The following MYH9 variants were observed in gnomAD, a reference collection of about 807,000 sequenced individuals.
The protein encoded by MYH9 is myosin-9.
Under a neutral mutation model 241.9 loss-of-function variants are expected in MYH9, and 29 were observed. That is an observed-to-expected ratio of 0.12 (90% CI 0.09 to 0.16). MYH9 has a LOEUF of 0.16. Among genes scored for constraint, MYH9 ranks in the 10% least tolerant of loss-of-function variants. MYH9 has a pLI of 1.00. For synonymous variants in MYH9, 1,047 were observed against 1,062.6 expected, an observed-to-expected ratio of 0.99 and a Z score of 0.29; for missense variants, 1,803 against 2,595.5, an observed-to-expected ratio of 0.69 and a Z score of 6.63.
rs142004585 is a variant in MYH9 at position 36,355,135 on chromosome 22, G to A, written c.-19-5880C>T. On this transcript the variant is annotated intron_variant, in intron 1 of 40. Transcript: ENST00000216181. ...GATCAGGCTGAGGCCATCCCCCAGC[G>A]CTTTCCTTCCCGCCGGCTTCCTGCG... is the stretch of plus-strand genomic sequence containing the variant. Among the ~76,000 whole-genome samples the A allele has an allele frequency of 5.2e-3, 794 of 152,112 alleles. 7 individuals carry two copies. The highest frequency in any genetic ancestry group is 0.018 in the African/African-American group (756 of 41,496).
chr22:36,339,317 G>A (rs886665608), intron 3 of MYH9, among the ~76,000 whole-genome samples: 1 of 152,120 alleles, frequency 6.6e-6, no homozygotes, highest in Non-Finnish European at 1.5e-5. Context: ...AGATGACTCC[G>A]GAGTACACTT....
At chr22:36,327,726 C>T (rs968679655) in intron 3 of MYH9, among the ~76,000 whole-genome samples, 1 of 152,172 alleles carries the variant, frequency 6.6e-6, no homozygotes, top group African/African-American at 2.4e-5. Context: ...TGTTCAGCCC[C>T]CACCAGAAAA....
intron 3 of MYH9, among the ~76,000 whole-genome samples, chr22:36,335,925 C>A (rs1013539764): frequency 3.3e-5 from 5 of 152,296 alleles, no homozygotes; most frequent in African/African-American, 9.6e-5. Context: ...AAAAATTCTA[C>A]CCCTCATTGT....
intron 1 of MYH9, among the ~76,000 whole-genome samples, chr22:36,379,232 G>C (rs555357495): frequency 2.0e-4 from 30 of 152,234 alleles, no homozygotes; most frequent in Non-Finnish European, 3.1e-4. Flanking sequence ...GAGAGGCCAG[G>C]CGTGGTGGCT....
At chr22:36,286,075 C>T in intron 35 of MYH9, 122 bp from the exon 36 acceptor site, 2 of 1,001,636 alleles carry the variant, frequency 2.0e-6, no homozygotes, top group Non-Finnish European at 3.1e-6. Context: ...GAAGCCCTTC[C>T]TCCAGAAACC....
At chr22:36,291,683 T>TAAAAAAA (rs66686435) in intron 31 of MYH9, among the ~76,000 whole-genome samples, 2 of 86,934 alleles carry the variant, frequency 2.3e-5, no homozygotes, top group Admixed American at 1.2e-4. Flanking sequence ...ATAAAAAAAT[T>TAAAAAAA]AAAAAAAAAA....
chr22:36,386,768 C>A (rs1168241942), intron 1 of MYH9, among the ~76,000 whole-genome samples: 1 of 152,246 alleles, frequency 6.6e-6, no homozygotes, highest in Non-Finnish European at 1.5e-5. Context: ...CAGTTTGAAA[C>A]AGCGGGGCTT....
chr22:36,343,440 C>T (rs1355421734), intron 2 of MYH9, among the ~76,000 whole-genome samples: 4 of 150,998 alleles, frequency 2.6e-5, no homozygotes, highest in African/African-American at 7.3e-5. Flanking sequence ...CCCAGCTACT[C>T]AAGAGACTGA....
intron 5 of MYH9, among the ~76,000 whole-genome samples, chr22:36,323,346 C>T (rs570136014): frequency 6.6e-6 from 1 of 152,378 alleles, no homozygotes; most frequent in Non-Finnish European, 1.5e-5. Context: ...ACCTGTCAGC[C>T]ACTGCCCTGT....
At chr22:36,303,795 A>G (rs2016925550) in intron 19 of MYH9, among the ~76,000 whole-genome samples, 200 bp downstream of exon 19, 1 of 149,052 alleles carries the variant, frequency 6.7e-6, no homozygotes, top group Admixed American at 6.6e-5. Flanking sequence ...AAAAAAAAAA[A>G]AAAAAAAAGA....
chr22:36,386,935 C>T (rs2018361089), intron 1 of MYH9, among the ~76,000 whole-genome samples: 1 of 152,390 alleles, frequency 6.6e-6, no homozygotes, highest in African/African-American at 2.4e-5. Flanking sequence ...CAGGCCTGCT[C>T]GTAACGGCAG....
In MYH9 at chr22:36,326,555, C is replaced by G. The variant is rs781430899; in HGVS notation, c.612+13G>C. ...AAGCAGGCGGCCACAGGGACAAGGGCTGCAGCACTCACCTGGTCCTTCTTG... is the reference window on the plus strand; with the variant it reads ...AAGCAGGCGGCCACAGGGACAAGGGGTGCAGCACTCACCTGGTCCTTCTTG... On this transcript the variant is annotated intron_variant, in intron 5 of 40. Coordinates refer to ENST00000216181, the MANE Select transcript of MYH9 (RefSeq NM_002473.6). The G allele has an allele frequency of 6.2e-6, 10 of 1,612,760 alleles. No homozygotes were observed. Among genetic ancestry groups the G allele is most frequent in the Non-Finnish European group, 8.5e-6 (10 of 1,178,804 alleles).
At chr22:36,291,536 A>G (rs1285396220) in intron 31 of MYH9, among the ~76,000 whole-genome samples, 2 of 152,212 alleles carry the variant, frequency 1.3e-5, no homozygotes, top group East Asian at 1.9e-4. Flanking sequence ...GGACACAAAC[A>G]CTGCGGAAGG....
In MYH9 at chr22:36,305,520, A is replaced by G. The variant is rs1271900573; in HGVS notation, c.2159+410T>C. Reference sequence around the variant, plus strand: ...CCCGACAGCAACTGACACTCAGCACAGTCATTAGAGAAACAGGAAGGTGTC... The same window carrying G: ...CCCGACAGCAACTGACACTCAGCACGGTCATTAGAGAAACAGGAAGGTGTC... On this transcript the variant is annotated intron_variant, in intron 17 of 40. Coordinates refer to ENST00000216181, the MANE Select transcript of MYH9 (RefSeq NM_002473.6). The surrounding 1 kb of genome is among the most constrained non-coding windows in gnomAD (Gnocchi z 4.7). 6.6e-6 allele frequency among the ~76,000 whole-genome samples: 1 copy of G among 152,232 alleles called. No individual in the cohort carries two copies. Among genetic ancestry groups the G allele is most frequent in the East Asian group, 1.9e-4 (1 of 5,200 alleles).
rs554705455 is a variant in MYH9 at position 36,356,519 on chromosome 22, T to C, written c.-19-7264A>G. Among the ~76,000 whole-genome samples, 3 of 139,774 alleles carry C rather than the reference T, an allele frequency of 2.1e-5. No individual in the cohort carries two copies. In the South Asian group the frequency reaches 6.6e-4, roughly 31 times the overall value. The allele number at this position is 139,774 out of a possible 152,430, so 91.7% of individuals were successfully genotyped here. On this transcript the variant is annotated intron_variant, in intron 1 of 40. Transcript: ENST00000216181. ...TCGCTTGAACCCAGGAGGCAGAGGT[T>C]GCAGTGAGCTGAGATGGTGCCACTG...
At position 36,285,830 on chromosome 22, in the gene MYH9, G is replaced by A; in HGVS notation, c.5150+35C>T. 1.2e-6 allele frequency: 2 copies of A among 1,613,498 alleles called. No homozygotes were observed. Among genetic ancestry groups the A allele is most frequent in the Non-Finnish European group, 1.7e-6 (2 of 1,179,926 alleles). On this transcript the variant is annotated intron_variant, in intron 36 of 40. Coordinates refer to ENST00000216181, the MANE Select transcript of MYH9 (RefSeq NM_002473.6). This position sits in a 1 kb window ranked among gnomAD's most constrained non-coding sequence, Gnocchi z 7.0. The stretch of plus-strand genomic sequence containing the variant: ...AGGGGCCTACCCTGGGGACACACCT[G>A]GTCCCCCCCAACTCTGCCCCCTCAC...
intron 1 of MYH9, among the ~76,000 whole-genome samples, chr22:36,377,656 T>A (rs930302824): frequency 6.6e-6 from 1 of 152,076 alleles, no homozygotes; most frequent in African/African-American, 2.4e-5. Flanking sequence ...ACGCCTGTAA[T>A]CTCAGCACTT....
intron 1 of MYH9, among the ~76,000 whole-genome samples, chr22:36,382,612 GGC>G (rs1467923150): frequency 6.6e-6 from 1 of 152,136 alleles, no homozygotes; most frequent in Non-Finnish European, 1.5e-5. Flanking sequence ...AGACCAGCCT[GGC>G]CAACGTGGTG....
chr22:36,301,065 CA>C lies in MYH9; in HGVS notation c.2632-9del. On this transcript the variant is annotated splice_polypyrimidine_tract_variant and intron_variant, in intron 21 of 40. Coordinates refer to ENST00000216181, the MANE Select transcript of MYH9 (RefSeq NM_002473.6). ...CAATTTCTCTGCCATGAGCTGCAAA[CA>C]ACAAGTGGAAAACACAAGCTCCTCG... The C allele has an allele frequency of 6.2e-7, 1 of 1,607,962 alleles. No homozygotes were observed. Among genetic ancestry groups the C allele is most frequent in the South Asian group, 1.1e-5 (1 of 91,086 alleles).
Sources: allele counts gnomAD v4.1 joint callset (sites outside exome capture counted in the v4.1 genomes callset), GRCh38; gene constraint gnomAD v4.1.1; non-coding constraint Gnocchi (gnomAD v3.1); transcripts MANE v1.5; gene names NCBI Gene and HGNC (gene_info 2026-07-23, HGNC 2026-07-21).